Variants in SLA2 observed in about 807,000 individuals in gnomAD.
The protein encoded by SLA2 is src-like-adapter 2.
A neutral mutation model predicts 27.3 loss-of-function variants in SLA2; 22 were observed. The observed-to-expected ratio is 0.81, with a 90% CI of 0.58 to 1.15. The LOEUF is 1.15. SLA2 is among the 50% of genes most tolerant of loss of function. SLA2 has a pLI of 0.00. For synonymous variants in SLA2, 131 were observed against 137.8 expected (o/e 0.95, Z 0.34); for missense variants, 304 against 322.2 (o/e 0.94, Z 0.43).
At chr20:36,638,332 T>C (rs922911383) in intron 2 of SLA2, among the ~76,000 whole-genome samples, 3 of 152,082 alleles carry the variant, frequency 2.0e-5, no homozygotes, top group South Asian at 4.1e-4. Flanking sequence ...TGTTTTGTTT[T>C]GTTTTGTTTT....
chr20:36,615,443 A>G (rs1035654396), intron 5 of SLA2, 69 bp from the exon 6 acceptor site: 2 of 1,597,088 alleles, frequency 1.3e-6, no homozygotes, highest in Non-Finnish European at 1.7e-6. Flanking sequence ...AGGCTGGGAA[A>G]CGAAGATAGG....
intron 5 of SLA2, among the ~76,000 whole-genome samples, chr20:36,628,787 C>T (rs2039364645): frequency 4.0e-5 from 6 of 151,870 alleles, no homozygotes; most frequent in Admixed American, 3.3e-4. Flanking sequence ...AACTCCTGGA[C>T]TCAAGTGATC....
Position 36,614,383 on chromosome 20 carries a change from G to A in SLA2, c.587C>T (p.Ala196Val), listed in dbSNP as rs1043226967. ...TATATCCTTGCCAGGGAGCGGGCCA[G>A]CCCTCTGCAGGACACAGGGCTCCTT... ...LLKEPCVLQR[A>V]GPLPGKDIPL... The change falls in exon 7 of 8, where the codon GCT (alanine) becomes GTT (valine). Residue 196 changes from alanine to valine, a missense_variant. By Grantham distance (64) the Ala-to-Val change is moderately conservative. Transcript: ENST00000262866. 3.1e-6 allele frequency: 5 copies of A among 1,613,902 alleles called. No individual in the cohort carries two copies. The highest frequency in any genetic ancestry group is 4.2e-6 in the Non-Finnish European group (5 of 1,179,966).
At chr20:36,627,062 G>A (rs2039346847) in intron 5 of SLA2, among the ~76,000 whole-genome samples, 1 of 151,752 alleles carries the variant, frequency 6.6e-6, no homozygotes, top group Non-Finnish European at 1.5e-5. Context: ...TGAGCTTGCC[G>A]TGAGGAGAAG....
rs140892716 is a variant in SLA2, at chr20:36,643,265, A to C, written c.-43-1887T>G. ...GCTGATTTTTCCAAACACTATTTTA[A>C]AGTGTTTGGGGAGTGGGAGGCGGAG... is the stretch of plus-strand genomic sequence containing the variant. On this transcript the variant is annotated intron_variant, in intron 1 of 7. Coordinates refer to ENST00000262866, the MANE Select transcript of SLA2 (RefSeq NM_032214.4). Among the ~76,000 whole-genome samples, 513 of 152,192 alleles carry C rather than the reference A, an allele frequency of 3.4e-3. 4 individuals carry two copies. The highest frequency in any genetic ancestry group is 0.012 in the African/African-American group (498 of 41,526).
At chr20:36,635,192 C>T (rs1431640745) in intron 2 of SLA2, among the ~76,000 whole-genome samples, 1 of 151,078 alleles carries the variant, frequency 6.6e-6, no homozygotes, top group African/African-American at 2.5e-5. Context: ...TCCCTATGAC[C>T]GCCGAGCCTT....
intron 5 of SLA2, among the ~76,000 whole-genome samples, chr20:36,627,980 A>G (rs1256196487): frequency 6.6e-6 from 1 of 152,212 alleles, no homozygotes; most frequent in African/African-American, 2.4e-5. Context: ...AATTCCCATT[A>G]TATACGACAA....
intron 5 of SLA2, among the ~76,000 whole-genome samples, chr20:36,623,410 A>T (rs1839156403): frequency 6.6e-6 from 1 of 152,206 alleles, no homozygotes. Flanking sequence ...GTGCAATAAC[A>T]CAAGAAAAAT....
At chr20:36,615,027 G>C (rs1255025749) in intron 6 of SLA2, 198 bp downstream of exon 6, 17 of 985,438 alleles carry the variant, frequency 1.7e-5, no homozygotes, top group Non-Finnish European at 2.0e-5. Context: ...GAGGTCTGTG[G>C]CTTTTCTGCC....
intron 7 of SLA2, 121 bp from the exon 8 acceptor site, chr20:36,614,107 C>G: frequency 6.7e-7 from 1 of 1,496,948 alleles, no homozygotes; most frequent in African/African-American, 1.4e-5. Flanking sequence ...TGGGGCTCCC[C>G]TGTTCCCTAT....
rs1382055009 is a variant in SLA2, at chr20:36,634,482, G to A, written c.191+8C>T. 6.3e-7 allele frequency: 1 copy of A among 1,598,680 alleles called. No homozygotes were observed. Reference sequence around the variant, plus strand: ...GCATATTCAGGTATCCAGTGCCCATGGACTTACTCAGAGACGATGGTCAAT... The same window carrying A: ...GCATATTCAGGTATCCAGTGCCCATAGACTTACTCAGAGACGATGGTCAAT... On this transcript the variant is annotated splice_region_variant and intron_variant, in intron 3 of 7. Transcript: ENST00000262866.
intron 5 of SLA2, among the ~76,000 whole-genome samples, chr20:36,622,721 C>A (rs1453102632): frequency 6.6e-6 from 1 of 152,134 alleles, no homozygotes; most frequent in Admixed American, 6.6e-5. Context: ...TCTTCACAGC[C>A]AGTAGCATCT....
chr20:36,621,388 G>T, intron 5 of SLA2: 1 of 585,248 alleles, frequency 1.7e-6, no homozygotes, highest in South Asian at 1.4e-5. Flanking sequence ...TGGATGTGGT[G>T]GTGTAAGTGG....
At chr20:36,626,890 G>A (rs2039344838) in intron 5 of SLA2, among the ~76,000 whole-genome samples, 1 of 151,490 alleles carries the variant, frequency 6.6e-6, no homozygotes, top group Admixed American at 6.6e-5. Flanking sequence ...ACCTATTATA[G>A]CTACAGAAGA....
In SLA2 at chr20:36,618,906, CAAAAAAAAAAAA is replaced by C. The variant is rs35436767; in HGVS notation, c.383-3544_383-3533del. On this transcript the variant is annotated intron_variant, in intron 5 of 7. Transcript: ENST00000262866. Reference sequence around the variant, plus strand: ...TAGGGAACAAGAGTGAACTCCATCTCAAAAAAAAAAAAAAAAAAAAAAAAAAAAGTATCTAGA... The same window carrying C: ...TAGGGAACAAGAGTGAACTCCATCTCAAAAAAAAAAAAAAAAGTATCTAGA... Among the ~76,000 whole-genome samples the C allele has an allele frequency of 3.7e-3, 149 of 40,384 alleles. 4 individuals are homozygous for C. In the East Asian group the frequency reaches 0.12, roughly 31 times the overall value. The allele number at this position is 40,384 out of a possible 152,430, so 26.5% of individuals were successfully genotyped here. A position where few individuals can be genotyped will look rare whatever the true frequency, so the allele number is the denominator to read the frequency against.
chr20:36,641,973 G>C (rs986574404), intron 1 of SLA2, among the ~76,000 whole-genome samples: 2 of 150,230 alleles, frequency 1.3e-5, no homozygotes, highest in African/African-American at 4.9e-5. Context: ...AGACCAGCCT[G>C]ATCAATATGG....
chr20:36,620,465 T>C (rs1432877603), intron 5 of SLA2: 2 of 229,872 alleles, frequency 8.7e-6, no homozygotes, highest in Admixed American at 5.1e-5. Context: ...ATTAAAACCA[T>C]AGAAGTTATG....
Position 36,633,527 on chromosome 20 carries a change from T to G in SLA2, c.278+16A>C, listed in dbSNP as rs1357361944. The G allele has an allele frequency of 6.2e-7, 1 of 1,605,892 alleles. No individual in the cohort carries two copies. Among genetic ancestry groups the G allele is most frequent in the Admixed American group, 1.7e-5 (1 of 60,002 alleles). On this transcript the variant is annotated intron_variant, in intron 4 of 7. Transcript: ENST00000262866. ...AGCAGGAAGCTCTGCAAGGCGGGCC[T>G]GGGGTGGGAACTCACCCATGGGAGA...
Position 36,614,403 on chromosome 20 carries a change from C to A in SLA2, c.567G>T (p.Glu189Asp). Residue 189 changes from glutamate (E) to aspartate (D), a missense_variant, in exon 7 of 8, where the codon GAG becomes GAT. Coordinates refer to ENST00000262866, the MANE Select transcript of SLA2 (RefSeq NM_032214.4). ...LADDICCLLKEPCVLQRAGPL... is the reference protein window; with the variant it reads ...LADDICCLLKDPCVLQRAGPL... ...GGCCAGCCCTCTGCAGGACACAGGGCTCCTTGAGTAGGCAGCAGATGTCAT... is the reference window on the plus strand; with the variant it reads ...GGCCAGCCCTCTGCAGGACACAGGGATCCTTGAGTAGGCAGCAGATGTCAT... 1 of 1,612,908 alleles carries A rather than the reference C, an allele frequency of 6.2e-7. No individual in the cohort carries two copies. Among genetic ancestry groups the A allele is most frequent in the Non-Finnish European group, 8.5e-7 (1 of 1,179,430 alleles).
Sources: allele counts gnomAD v4.1 joint callset (sites outside exome capture counted in the v4.1 genomes callset), GRCh38; gene constraint gnomAD v4.1.1; transcripts MANE v1.5; gene names NCBI Gene and HGNC (gene_info 2026-07-23, HGNC 2026-07-21).